Variants in PPARGC1A observed in about 807,000 individuals in gnomAD.
PPARGC1A encodes the protein PPARG coactivator 1 alpha, also known as peroxisome proliferator-activated receptor gamma coactivator 1-alpha.
A neutral mutation model predicts 88.7 loss-of-function variants in PPARGC1A; 25 were observed. The ratio of observed to expected loss-of-function variants is 0.28; its 90% CI spans 0.21 to 0.39. PPARGC1A has a LOEUF of 0.39. Ranked by LOEUF, PPARGC1A falls within the 10% of genes least tolerant of loss-of-function variation. The pLI is 1.00. For synonymous variants in PPARGC1A, 363 were observed against 355.6 expected (o/e 1.02, Z -0.24); for missense variants, 880 against 968.7 (o/e 0.91, Z 1.22).
chr4:23,895,845 G>T (rs1417452665), intron 1 of PPARGC1A, among the ~76,000 whole-genome samples: 1 of 151,482 alleles, frequency 6.6e-6, no homozygotes, highest in African/African-American at 2.4e-5. Context: ...TTCATATTAG[G>T]ATGCCCAATG....
the PPARGC1A span, among the ~76,000 whole-genome samples, chr4:24,032,591 G>C: frequency 2.6e-5 from 4 of 152,324 alleles, no homozygotes; most frequent in East Asian, 7.7e-4. Flanking sequence ...TTCAGCAGCT[G>C]ATGGAGTTGA....
At chr4:24,078,253 C>T in the PPARGC1A span, among the ~76,000 whole-genome samples, 1 of 152,008 alleles carries the variant, frequency 6.6e-6, no homozygotes, top group East Asian at 1.9e-4. Context: ...AACTTTACTG[C>T]AATGTGACAT....
At chr4:24,106,997 T>C in the PPARGC1A span, among the ~76,000 whole-genome samples, 5 of 152,330 alleles carry the variant, frequency 3.3e-5, no homozygotes, top group East Asian at 7.7e-4. Context: ...ATAACTGATA[T>C]AGCTTCCTCT....
the PPARGC1A span, among the ~76,000 whole-genome samples, chr4:23,913,252 AT>A: frequency 2.4e-5 from 1 of 42,188 alleles, no homozygotes; most frequent in Admixed American, 3.0e-4. Context: ...TTATATATAT[AT>A]ATATATATAT....
chr4:24,082,465 T>G, the PPARGC1A span, among the ~76,000 whole-genome samples: 2 of 152,100 alleles, frequency 1.3e-5, no homozygotes, highest in Non-Finnish European at 2.9e-5. Flanking sequence ...AGTGGCTCTG[T>G]GTACTGGGGA....
chr4:24,441,878 T>C, the PPARGC1A span, among the ~76,000 whole-genome samples: 1 of 152,226 alleles, frequency 6.6e-6, no homozygotes, highest in Non-Finnish European at 1.5e-5. Context: ...CTCCCTGATT[T>C]AAGCAAAGCT....
At chr4:24,282,398 G>A in the PPARGC1A span, among the ~76,000 whole-genome samples, 1 of 152,212 alleles carries the variant, frequency 6.6e-6, no homozygotes, top group African/African-American at 2.4e-5. Context: ...TAACTCTTTA[G>A]GGGTTGGAGT....
chr4:24,296,002 G>GTATGTGTGTA, the PPARGC1A span, among the ~76,000 whole-genome samples: 8 of 149,518 alleles, frequency 5.4e-5, no homozygotes, highest in African/African-American at 1.7e-4. Flanking sequence ...ATATGTGTAT[G>GTATGTGTGTA]TATGTGTGTA....
the PPARGC1A span, among the ~76,000 whole-genome samples, chr4:24,183,110 G>A: frequency 6.6e-6 from 1 of 152,072 alleles, no homozygotes; most frequent in East Asian, 1.9e-4. Context: ...ATGGAAATAA[G>A]GAAAAAATGA....
At chr4:24,052,854 A>ATTTTTTT in the PPARGC1A span, among the ~76,000 whole-genome samples, 5 of 65,790 alleles carry the variant, frequency 7.6e-5, no homozygotes, top group Non-Finnish European at 1.3e-4. Flanking sequence ...GCGTACGCAG[A>ATTTTTTT]TTTTTTTTTT....
At chr4:24,212,168 A>G in the PPARGC1A span, among the ~76,000 whole-genome samples, 1 of 152,166 alleles carries the variant, frequency 6.6e-6, no homozygotes, top group South Asian at 2.1e-4. Context: ...CACATCTCTC[A>G]TGTCTTTCCT....
chr4:24,387,567 T>A, the PPARGC1A span, among the ~76,000 whole-genome samples: 1 of 151,640 alleles, frequency 6.6e-6, no homozygotes, highest in Admixed American at 6.6e-5. Context: ...CTACTAAAAA[T>A]ACAAAAATTA....
At chr4:23,895,413 G>A (rs1013446941) in intron 1 of PPARGC1A, among the ~76,000 whole-genome samples, 1 of 151,074 alleles carries the variant, frequency 6.6e-6, no homozygotes, top group African/African-American at 2.4e-5. Context: ...GGTTTTTCCA[G>A]TGCTTTGATA....
At chr4:24,226,623 T>C in the PPARGC1A span, among the ~76,000 whole-genome samples, 1 of 152,258 alleles carries the variant, frequency 6.6e-6, no homozygotes, top group Admixed American at 6.5e-5. Flanking sequence ...TCCACATTTC[T>C]ACAGCAAAGC....
chr4:24,218,601 A>G, the PPARGC1A span, among the ~76,000 whole-genome samples: 1 of 152,224 alleles, frequency 6.6e-6, no homozygotes, highest in Non-Finnish European at 1.5e-5. Flanking sequence ...ACATTTATTT[A>G]GAAGAGTGGC....
At chr4:24,200,148 T>C in the PPARGC1A span, among the ~76,000 whole-genome samples, 1 of 152,074 alleles carries the variant, frequency 6.6e-6, no homozygotes, top group African/African-American at 2.4e-5. Context: ...GAGCAAGTCA[T>C]AGAAGGGATG....
the PPARGC1A span, among the ~76,000 whole-genome samples, chr4:24,146,207 A>C: frequency 6.6e-6 from 1 of 152,246 alleles, no homozygotes; most frequent in Non-Finnish European, 1.5e-5. Context: ...CTCTTCTATT[A>C]GTCCATTAAA....
At chr4:24,158,702 T>C in the PPARGC1A span, among the ~76,000 whole-genome samples, 1 of 152,194 alleles carries the variant, frequency 6.6e-6, no homozygotes, top group Non-Finnish European at 1.5e-5. Flanking sequence ...CAGCTTGAAT[T>C]GCTGTAAGGA....
At chr4:24,171,717 T>A in the PPARGC1A span, among the ~76,000 whole-genome samples, 1 of 152,212 alleles carries the variant, frequency 6.6e-6, no homozygotes, top group Non-Finnish European at 1.5e-5. Flanking sequence ...ACATGTCCCA[T>A]CCCTATAAAA....
Sources: allele counts gnomAD v4.1 joint callset (sites outside exome capture counted in the v4.1 genomes callset), GRCh38; gene constraint gnomAD v4.1.1; transcripts MANE v1.5; gene names NCBI Gene and HGNC (gene_info 2026-07-23, HGNC 2026-07-21).